Variants in PABPC4L observed in about 807,000 individuals in gnomAD.
PABPC4L encodes the protein poly(A) binding protein cytoplasmic 4 like.
For synonymous variants in PABPC4L, 169 were observed against 164.1 expected (o/e 1.03, Z -0.23); for missense variants, 452 against 451.4 (o/e 1.00, Z -0.01).
the PABPC4L span, among the ~76,000 whole-genome samples, chr4:134,076,023 A>G: frequency 9.9e-5 from 15 of 152,128 alleles, no homozygotes; most frequent in African/African-American, 3.6e-4. Flanking sequence ...TGGAAAAAAA[A>G]AAAGAGAAGT....
At chr4:134,007,370 A>G in the PABPC4L span, among the ~76,000 whole-genome samples, 64 of 151,922 alleles carry the variant, frequency 4.2e-4, 2 homozygotes, top group Admixed American at 3.7e-3. Context: ...ATGTACCTTA[A>G]AATAAATTAT....
At chr4:134,074,516 T>C in the PABPC4L span, among the ~76,000 whole-genome samples, 1 of 152,182 alleles carries the variant, frequency 6.6e-6, no homozygotes, top group Non-Finnish European at 1.5e-5. Context: ...CCCAAAACTG[T>C]CCTAACCTCT....
the PABPC4L span, among the ~76,000 whole-genome samples, chr4:133,980,077 C>G: frequency 6.6e-6 from 1 of 152,106 alleles, no homozygotes; most frequent in African/African-American, 2.4e-5. Flanking sequence ...CTTCTCCACC[C>G]CATCTCCTTG....
the PABPC4L span, among the ~76,000 whole-genome samples, chr4:134,034,603 T>C: frequency 2.6e-5 from 4 of 151,976 alleles, no homozygotes; most frequent in Non-Finnish European, 4.4e-5. Flanking sequence ...TTGGAAGAAG[T>C]TGATTCCATC....
downstream of PABPC4L, among the ~76,000 whole-genome samples, chr4:134,192,587 T>C (rs563036684): frequency 5.3e-5 from 8 of 152,282 alleles, no homozygotes; most frequent in Admixed American, 2.0e-4. Flanking sequence ...GTGGCATTAC[T>C]TGTTATTGTT....
At chr4:133,969,801 AACAC>A in the PABPC4L span, among the ~76,000 whole-genome samples, 1 of 152,076 alleles carries the variant, frequency 6.6e-6, no homozygotes, top group Non-Finnish European at 1.5e-5. Flanking sequence ...CACACTACCA[AACAC>A]ACAAACAAAA....
At chr4:134,117,945 A>G in the PABPC4L span, among the ~76,000 whole-genome samples, 1 of 151,736 alleles carries the variant, frequency 6.6e-6, no homozygotes, top group Admixed American at 6.6e-5. Flanking sequence ...AAATAAAAGC[A>G]GCTTTGCTTT....
the PABPC4L span, among the ~76,000 whole-genome samples, chr4:134,095,046 TTTA>T: frequency 6.6e-6 from 1 of 151,822 alleles, no homozygotes; most frequent in Non-Finnish European, 1.5e-5. Context: ...TCTCTTATAG[TTTA>T]TTATTTCAAG....
chr4:134,183,169 A>G, the PABPC4L span, among the ~76,000 whole-genome samples: 2 of 152,012 alleles, frequency 1.3e-5, no homozygotes, highest in African/African-American at 2.4e-5. Flanking sequence ...TGTTCACTGC[A>G]GCACTATTCA....
At chr4:134,016,841 A>G in the PABPC4L span, among the ~76,000 whole-genome samples, 2 of 152,126 alleles carry the variant, frequency 1.3e-5, no homozygotes, top group Admixed American at 1.3e-4. Context: ...GGGATTGTCC[A>G]GGCCCCCTCC....
At chr4:133,959,848 T>C in the PABPC4L span, among the ~76,000 whole-genome samples, 1 of 152,230 alleles carries the variant, frequency 6.6e-6, no homozygotes, top group African/African-American at 2.4e-5. Flanking sequence ...TCTTTTATGG[T>C]ATGGAGACAT....
At chr4:134,111,054 A>T in the PABPC4L span, among the ~76,000 whole-genome samples, 1 of 152,024 alleles carries the variant, frequency 6.6e-6, no homozygotes, top group African/African-American at 2.4e-5. Flanking sequence ...TATTTCTCAT[A>T]GTTTTGAAAG....
chr4:133,949,176 C>T, the PABPC4L span, among the ~76,000 whole-genome samples: 1 of 152,088 alleles, frequency 6.6e-6, no homozygotes, highest in Non-Finnish European at 1.5e-5. Flanking sequence ...AATGACTCAC[C>T]CAACCTTGAA....
the PABPC4L span, among the ~76,000 whole-genome samples, chr4:133,954,038 A>G: frequency 6.6e-6 from 1 of 152,218 alleles, no homozygotes; most frequent in African/African-American, 2.4e-5. Flanking sequence ...AACCTGTTAG[A>G]CAGACATCTG....
the PABPC4L span, among the ~76,000 whole-genome samples, chr4:134,028,230 A>T: frequency 2.0e-5 from 3 of 152,098 alleles, no homozygotes; most frequent in East Asian, 5.8e-4. Flanking sequence ...GAACAACTTT[A>T]AATTCTTTCT....
At chr4:134,024,744 A>ATT in the PABPC4L span, among the ~76,000 whole-genome samples, 7 of 150,058 alleles carry the variant, frequency 4.7e-5, no homozygotes, top group African/African-American at 9.8e-5. Flanking sequence ...TTTTTAAAAG[A>ATT]TTTTTTTTAA....
the PABPC4L span, among the ~76,000 whole-genome samples, chr4:134,099,341 C>A: frequency 1.3e-5 from 2 of 151,598 alleles, no homozygotes; most frequent in Admixed American, 6.6e-5. Flanking sequence ...CTCCAAAAAT[C>A]ACTAAGTTTT....
At chr4:134,195,468 A>C (rs974843148), downstream of PABPC4L, among the ~76,000 whole-genome samples, 2 of 151,808 alleles carry the variant, frequency 1.3e-5, no homozygotes, top group Admixed American at 6.6e-5. Flanking sequence ...TATATCTGCC[A>C]CTTCAGTGAT....
chr4:134,169,568 GAACT>G, the PABPC4L span, among the ~76,000 whole-genome samples: 1 of 151,732 alleles, frequency 6.6e-6, no homozygotes, highest in East Asian at 1.9e-4. Context: ...AAAAGACTTA[GAACT>G]AATAAACAAA....
Sources: gnomAD v4.1 joint callset for allele counts (sites outside exome capture counted in the v4.1 genomes callset) on GRCh38, gnomAD v4.1.1 for gene constraint, MANE v1.5 for transcripts, NCBI Gene and HGNC (gene_info 2026-07-23, HGNC 2026-07-21) for gene names.